Variants in EPHA6 observed in about 807,000 individuals in gnomAD.
The protein encoded by EPHA6 is EPH receptor A6, also known as ephrin type-A receptor 6.
EPHA6 carries 50 observed loss-of-function variants against 112.0 expected under a neutral mutation model. That is an observed-to-expected ratio of 0.45 (90% CI 0.36 to 0.56). The LOEUF (loss-of-function observed/expected upper bound fraction) is 0.56, where lower values mean the gene tolerates loss of function less well. EPHA6 is among the 20% of genes least tolerant of loss of function. EPHA6 has a pLI of 0.00. For synonymous variants in EPHA6, 529 were observed against 490.7 expected, an observed-to-expected ratio of 1.08 and a Z score of -1.03; for missense variants, 1,280 against 1,417.4, an observed-to-expected ratio of 0.90 and a Z score of 1.56.
At position 97,748,587 on chromosome 3, in the gene EPHA6, T is replaced by C. The variant is rs2035811593; in HGVS notation, c.3279T>C (p.Asp1093=). The part of the protein sequence containing the change: ...TFDLISRMSI[D]DIRRIGVILI... ...ACTCTTGCTCTCTCCTTTCTTTCAG[T>C]GACATTAGAAGAATTGGAGTCATAC... The change falls in exon 18 of 18, where the codon GAT becomes GAC. Residue 1093 remains aspartate (D), a splice_region_variant and synonymous_variant. Coordinates refer to ENST00000389672, the MANE Select transcript of EPHA6 (RefSeq NM_001080448.3). 1.3e-6 allele frequency: 2 copies of C among 1,548,584 alleles called. No individual in the cohort carries two copies. Among genetic ancestry groups the C allele is most frequent in the Admixed American group, 3.4e-5 (2 of 59,552 alleles).
chr3:96,994,319 A>C (rs2043323539), intron 3 of EPHA6: 1 of 261,750 alleles, frequency 3.8e-6, no homozygotes, highest in Admixed American at 4.1e-5. Context: ...TTCATAATTA[A>C]GACTGTCATA....
intron 7 of EPHA6, among the ~76,000 whole-genome samples, chr3:97,457,607 A>G (rs1577466107): frequency 1.3e-5 from 2 of 152,206 alleles, no homozygotes; most frequent in African/African-American, 2.4e-5. Context: ...CCACTCTTCA[A>G]TAAAAATCAT....
chr3:97,555,484 A>G (rs1214670739), intron 11 of EPHA6, among the ~76,000 whole-genome samples: 2 of 152,156 alleles, frequency 1.3e-5, no homozygotes, highest in Non-Finnish European at 2.9e-5. Context: ...TTCTAGTTCT[A>G]GATCCCTGAG....
chr3:96,914,009 A>G (rs183185986), intron 2 of EPHA6, among the ~76,000 whole-genome samples: 1 of 152,262 alleles, frequency 6.6e-6, no homozygotes, highest in Non-Finnish European at 1.5e-5. Context: ...TATGATCAAC[A>G]ATGTTAAATA....
chr3:97,032,071 G>C (rs1298529183), intron 3 of EPHA6, among the ~76,000 whole-genome samples: 1 of 152,100 alleles, frequency 6.6e-6, no homozygotes, highest in Non-Finnish European at 1.5e-5. Flanking sequence ...TGATAGACTG[G>C]ATTAAGAAAA....
intron 3 of EPHA6, among the ~76,000 whole-genome samples, chr3:97,133,185 A>G (rs1033123743): frequency 1.8e-4 from 27 of 152,178 alleles, no homozygotes; most frequent in African/African-American, 6.5e-4. Flanking sequence ...AGCCAGAGTC[A>G]TATGACTGAA....
chr3:97,743,466 C>A (rs1449438233), intron 16 of EPHA6, among the ~76,000 whole-genome samples: 1 of 152,100 alleles, frequency 6.6e-6, no homozygotes, highest in African/African-American at 2.4e-5. Flanking sequence ...TGTAAGACTA[C>A]ATACTCATGT....
rs1287427244 is a variant in EPHA6, at chr3:97,754,124, T to C, written c.*5423T>C. Among the ~76,000 whole-genome samples the C allele has an allele frequency of 6.7e-6, 1 of 149,844 alleles. No homozygotes were observed. Among genetic ancestry groups the C allele is most frequent in the African/African-American group, 2.5e-5 (1 of 40,660 alleles). Reference sequence around the variant, plus strand: ...TTTTTTTGAGATGGAGTTTCCCTCTTGTTGCCCAGGCTGGAGTGCAATGGT... The same window carrying C: ...TTTTTTTGAGATGGAGTTTCCCTCTCGTTGCCCAGGCTGGAGTGCAATGGT... On this transcript the variant is annotated 3_prime_UTR_variant, in exon 18 of 18. Coordinates refer to ENST00000389672, the MANE Select transcript of EPHA6 (RefSeq NM_001080448.3).
intron 5 of EPHA6, among the ~76,000 whole-genome samples, chr3:97,264,962 C>T (rs1376181706): frequency 6.6e-6 from 1 of 152,192 alleles, no homozygotes; most frequent in African/African-American, 2.4e-5. Flanking sequence ...CTCTGCTAGG[C>T]ATGTTGTCCC....
intron 3 of EPHA6, among the ~76,000 whole-genome samples, chr3:97,183,213 G>C (rs1328310576): frequency 2.0e-5 from 3 of 151,978 alleles, no homozygotes; most frequent in African/African-American, 7.2e-5. Context: ...TGATGAGAAG[G>C]TACAATCGAG....
intron 3 of EPHA6, among the ~76,000 whole-genome samples, chr3:97,196,078 T>G (rs1294667132): frequency 6.6e-6 from 1 of 151,670 alleles, no homozygotes; most frequent in Non-Finnish European, 1.5e-5. Context: ...TCTACCCAGA[T>G]CTCTCTCTCT....
chr3:96,884,660 G>T (rs950191594), intron 2 of EPHA6, among the ~76,000 whole-genome samples: 1 of 152,034 alleles, frequency 6.6e-6, no homozygotes, highest in African/African-American at 2.4e-5. Context: ...CGATCATATT[G>T]TCAGCAAACA....
rs776279897 is a variant in EPHA6, at chr3:97,733,523, C to A, written c.2935-2402C>A. Among the ~76,000 whole-genome samples the A allele has an allele frequency of 5.7e-4, 87 of 152,126 alleles. 1 individual carries two copies. The highest frequency in any genetic ancestry group is 8.3e-4 in the South Asian group (4 of 4,820). On this transcript the variant is annotated intron_variant, in intron 15 of 17. Transcript: ENST00000389672. ...TCTATCAAGACAAATCCAAAAATTTCTTCTAATAGCATTTGTTTAGGTCAA... is the reference window on the plus strand; with the variant it reads ...TCTATCAAGACAAATCCAAAAATTTATTCTAATAGCATTTGTTTAGGTCAA...
intron 3 of EPHA6, among the ~76,000 whole-genome samples, chr3:97,174,904 G>C (rs1442140792): frequency 6.6e-6 from 1 of 151,784 alleles, no homozygotes; most frequent in Non-Finnish European, 1.5e-5. Flanking sequence ...AACTTGATGT[G>C]ATTTCATTTG....
chr3:97,600,539 C>T (rs1052713863), intron 12 of EPHA6, among the ~76,000 whole-genome samples: 7 of 152,058 alleles, frequency 4.6e-5, no homozygotes, highest in Non-Finnish European at 8.8e-5. Flanking sequence ...TAAGACTCCT[C>T]ATTATAAACC....
chr3:97,479,405 T>A, intron 9 of EPHA6, 41 bp downstream of exon 9: 1 of 1,386,346 alleles, frequency 7.2e-7, no homozygotes, highest in South Asian at 1.4e-5. Flanking sequence ...TTTGTACTGT[T>A]CCAGCACTTC....
intron 14 of EPHA6, among the ~76,000 whole-genome samples, chr3:97,643,012 A>G (rs1391111268): frequency 6.6e-6 from 1 of 151,854 alleles, no homozygotes; most frequent in South Asian, 2.1e-4. Context: ...AGTTGAAATG[A>G]AGGAAAAAAT....
chr3:97,702,768 A>T (rs1173144193), intron 14 of EPHA6, among the ~76,000 whole-genome samples: 3 of 151,728 alleles, frequency 2.0e-5, no homozygotes, highest in South Asian at 2.1e-4. Context: ...TTATTTATTT[A>T]TTTTTTTTAC....
chr3:97,591,881 T>C (rs1405179965), intron 11 of EPHA6, among the ~76,000 whole-genome samples: 2 of 152,180 alleles, frequency 1.3e-5, no homozygotes, highest in Non-Finnish European at 2.9e-5. Flanking sequence ...AGTTTGTTGG[T>C]CTAAAATGAG....
Sources: gnomAD v4.1 joint callset for allele counts (sites outside exome capture counted in the v4.1 genomes callset) on GRCh38, gnomAD v4.1.1 for gene constraint, MANE v1.5 for transcripts, NCBI Gene and HGNC (gene_info 2026-07-23, HGNC 2026-07-21) for gene names.